Variants in GHR observed in about 807,000 individuals in gnomAD.
The protein encoded by GHR is GH receptor.
GHR carries 35 observed loss-of-function variants against 67.1 expected under a neutral mutation model. The observed-to-expected ratio is 0.52, with a 90% CI of 0.40 to 0.69. GHR has a LOEUF of 0.69. Among genes scored for constraint, GHR ranks in the 30% least tolerant of loss-of-function variants. The pLI is 0.00. For synonymous variants in GHR, 272 were observed against 269.1 expected (o/e 1.01, Z -0.10); for missense variants, 792 against 764.6 (o/e 1.04, Z -0.42).
chr5:42,543,955 G>A (rs1394945899), intron 1 of GHR, among the ~76,000 whole-genome samples: 1 of 151,952 alleles, frequency 6.6e-6, no homozygotes, highest in Non-Finnish European at 1.5e-5. Flanking sequence ...GTTTGGCACA[G>A]AAGAAGTTCA....
chr5:42,509,685 C>G (rs1297799547), intron 1 of GHR, among the ~76,000 whole-genome samples: 3 of 152,014 alleles, frequency 2.0e-5, no homozygotes, highest in Admixed American at 1.3e-4. Context: ...AGTTGTCACC[C>G]CAACTTCTAT....
chr5:42,619,873 A>G (rs1203252351), intron 2 of GHR: 1 of 152,154 alleles, frequency 6.6e-6, no homozygotes, highest in Non-Finnish European at 1.5e-5. Context: ...CCTGGTCTGA[A>G]CAAGATCTAT....
At chr5:42,684,147 G>A (rs565284105) in intron 3 of GHR, among the ~76,000 whole-genome samples, 1 of 152,068 alleles carries the variant, frequency 6.6e-6, no homozygotes, top group Non-Finnish European at 1.5e-5. Context: ...TTATGTTTTT[G>A]TTGTGTACGT....
At chr5:42,458,082 T>C (rs1245407103) in intron 1 of GHR, among the ~76,000 whole-genome samples, 1 of 152,254 alleles carries the variant, frequency 6.6e-6, no homozygotes, top group Non-Finnish European at 1.5e-5. Context: ...ATGTTTATTC[T>C]TTTGCTTAGC....
intron 1 of GHR, among the ~76,000 whole-genome samples, chr5:42,464,003 AAAAAAAAAAAAAAG>A (rs1160754323): frequency 1.4e-5 from 2 of 146,134 alleles, no homozygotes; most frequent in African/African-American, 5.2e-5. Context: ...AAAAAAAAAA[AAAAAAAAAAAAAAG>A]AAAAAGAAAT....
intron 1 of GHR, among the ~76,000 whole-genome samples, chr5:42,511,797 T>C (rs575532246): frequency 6.6e-6 from 1 of 152,306 alleles, no homozygotes; most frequent in Non-Finnish European, 1.5e-5. Flanking sequence ...ACACTACCCT[T>C]CGGGGTATTC....
At chr5:42,449,718 C>T (rs1743966281) in intron 1 of GHR, among the ~76,000 whole-genome samples, 1 of 152,170 alleles carries the variant, frequency 6.6e-6, no homozygotes, top group African/African-American at 2.4e-5. Flanking sequence ...TGTTCCAGTT[C>T]TCAGGCAGAA....
chr5:42,707,936 A>T (rs971815374), intron 6 of GHR, among the ~76,000 whole-genome samples: 1 of 152,120 alleles, frequency 6.6e-6, no homozygotes, highest in African/African-American at 2.4e-5. Flanking sequence ...TATTACCATG[A>T]AAATATTAGA....
intron 1 of GHR, among the ~76,000 whole-genome samples, chr5:42,483,687 T>C (rs1368302074): frequency 2.0e-5 from 3 of 152,158 alleles, no homozygotes; most frequent in African/African-American, 7.2e-5. Flanking sequence ...CCAAGCAATG[T>C]AGCAAGAGTT....
chr5:42,719,905 C>G lies in GHR; in HGVS notation c.*481C>G, dbSNP rs1758938266. On this transcript the variant is annotated 3_prime_UTR_variant, in exon 10 of 10. Transcript: ENST00000230882. ...AGAGGTGAGAAATTTAAACTATAAG[C>G]AAGAAGGCAAAAATAGTTTGGATAT... 2 of 184,330 alleles carry G rather than the reference C, an allele frequency of 1.1e-5. No individual in the cohort carries two copies. The highest frequency in any genetic ancestry group is 2.4e-4 in the South Asian group (2 of 8,298). 11.4% of individuals were successfully genotyped at this position (184,330 alleles called of 1,614,324 possible).
intron 1 of GHR, among the ~76,000 whole-genome samples, chr5:42,461,363 C>T (rs925222088): frequency 3.3e-5 from 5 of 152,198 alleles, no homozygotes; most frequent in Non-Finnish European, 7.3e-5. Flanking sequence ...AACATTTCCC[C>T]AAAAAGTCAC....
intron 1 of GHR, chr5:42,465,430 C>A (rs1162392629): frequency 1.3e-6 from 2 of 1,563,602 alleles, no homozygotes; most frequent in Non-Finnish European, 1.8e-6. Context: ...TTTGAATAGC[C>A]TTCCACTCAT....
At chr5:42,704,744 T>C (rs1758093395) in intron 6 of GHR, among the ~76,000 whole-genome samples, 2 of 152,040 alleles carry the variant, frequency 1.3e-5, no homozygotes, top group Non-Finnish European at 2.9e-5. Context: ...TTTCTATTTC[T>C]TCAAGAAAGT....
At chr5:42,467,251 A>G in intron 1 of GHR, 1 of 1,358,692 alleles carries the variant, frequency 7.4e-7, no homozygotes, top group Non-Finnish European at 1.1e-6. Context: ...TATCTGGTAC[A>G]TAATAAGGTG....
chr5:42,623,506 TCTTCTGCACCTTTGTAC>T (rs745590744), intron 2 of GHR, among the ~76,000 whole-genome samples: 5 of 152,134 alleles, frequency 3.3e-5, no homozygotes, highest in African/African-American at 7.2e-5. Flanking sequence ...CCAGGCTGTG[TCTTCTGCACCTTTGTAC>T]CTTCTGCACC....
intron 1 of GHR, among the ~76,000 whole-genome samples, chr5:42,510,833 G>T (rs539720036): frequency 3.3e-5 from 5 of 152,300 alleles, no homozygotes; most frequent in African/African-American, 1.2e-4. Context: ...GTGGGAGAGG[G>T]CGTATTTCTT....
chr5:42,500,409 C>T (rs1445946665), intron 1 of GHR, among the ~76,000 whole-genome samples: 2 of 152,252 alleles, frequency 1.3e-5, no homozygotes, highest in Non-Finnish European at 2.9e-5. Flanking sequence ...CTCAGTATTT[C>T]TTGGCCTCAG....
intron 1 of GHR, among the ~76,000 whole-genome samples, chr5:42,513,564 G>C (rs540810710): frequency 6.6e-6 from 1 of 152,156 alleles, no homozygotes; most frequent in Non-Finnish European, 1.5e-5. Context: ...GAGGTGGGCC[G>C]ATCACCTGAG....
At chr5:42,501,833 G>C (rs915385879) in intron 1 of GHR, among the ~76,000 whole-genome samples, 1 of 152,182 alleles carries the variant, frequency 6.6e-6, no homozygotes, top group Non-Finnish European at 1.5e-5. Flanking sequence ...TTGAAAATAA[G>C]CTCTTCCACA....
Sources: allele counts gnomAD v4.1 joint callset (sites outside exome capture counted in the v4.1 genomes callset), GRCh38; gene constraint gnomAD v4.1.1; transcripts MANE v1.5; gene names NCBI Gene and HGNC (gene_info 2026-07-23, HGNC 2026-07-21).